SYNJ2: variants seen among roughly 807,000 people sequenced by gnomAD.
SYNJ2 encodes the protein synaptojanin 2.
A neutral mutation model predicts 141.3 loss-of-function variants in SYNJ2; 116 were observed. The ratio of observed to expected loss-of-function variants is 0.82; its 90% confidence interval spans 0.71 to 0.96. SYNJ2 has a LOEUF of 0.96. SYNJ2 is among the 40% of genes least tolerant of loss of function. The pLI is 0.00. For missense variants in SYNJ2, 1,873 were observed against 1,934.8 expected (o/e 0.97, Z 0.60); for synonymous variants, 745 against 777.7 (o/e 0.96, Z 0.70).
chr6:158,020,988 C>G (rs1390711366), intron 2 of SYNJ2, among the ~76,000 whole-genome samples: 1 of 152,204 alleles, frequency 6.6e-6, no homozygotes, highest in Non-Finnish European at 1.5e-5. Context: ...TCCTGAAATG[C>G]CAGCAGGAAG....
chr6:158,039,422 C>T (rs955642313), intron 4 of SYNJ2, among the ~76,000 whole-genome samples: 1 of 152,194 alleles, frequency 6.6e-6, no homozygotes, highest in Non-Finnish European at 1.5e-5. Flanking sequence ...GATCGGGCTG[C>T]GTGGTCTGCA....
intron 1 of SYNJ2, among the ~76,000 whole-genome samples, chr6:157,989,961 T>TG (rs1777356817): frequency 6.6e-6 from 1 of 152,058 alleles, no homozygotes. Flanking sequence ...TGCCTTGCCC[T>TG]GGGGGGCACT....
chr6:158,080,497 C>T (rs1440040732), intron 18 of SYNJ2, among the ~76,000 whole-genome samples: 2 of 141,236 alleles, frequency 1.4e-5, no homozygotes, highest in Non-Finnish European at 3.1e-5. Flanking sequence ...AAAAAAAAAA[C>T]GAGCATTTCC....
intron 1 of SYNJ2, among the ~76,000 whole-genome samples, chr6:158,009,300 C>T (rs917687664): frequency 5.3e-5 from 8 of 152,228 alleles, no homozygotes; most frequent in South Asian, 2.1e-4. Flanking sequence ...GGCTGTGCCT[C>T]GGCAGTGCCC....
rs747963536 is a variant in SYNJ2, at chr6:158,064,766, G to A, written c.1359+16G>A. On this transcript the variant is annotated intron_variant, in intron 10 of 26. Coordinates refer to ENST00000355585, the MANE Select transcript of SYNJ2 (RefSeq NM_003898.4). Reference sequence around the variant, plus strand: ...GAAGGCCAAGGTAGGGCCCCGCCGAGGGGGCAGGGTGGGGGCCCCAGGGAC... The same window carrying A: ...GAAGGCCAAGGTAGGGCCCCGCCGAAGGGGCAGGGTGGGGGCCCCAGGGAC... 3 of 1,613,174 alleles carry A rather than the reference G, an allele frequency of 1.9e-6. No homozygotes were observed. In the South Asian group the frequency reaches 3.3e-5, roughly 18 times the overall value.
chr6:158,032,919 G>A (rs1184487652), intron 3 of SYNJ2, among the ~76,000 whole-genome samples: 1 of 152,152 alleles, frequency 6.6e-6, no homozygotes, highest in Non-Finnish European at 1.5e-5. Context: ...ATTTATTTTG[G>A]ATTGCTTTGT....
chr6:158,077,107 T>C (rs969051619), intron 17 of SYNJ2, among the ~76,000 whole-genome samples: 2 of 152,074 alleles, frequency 1.3e-5, no homozygotes, highest in Admixed American at 6.6e-5. Flanking sequence ...GCCATTCTCC[T>C]GCCTCAGCCT....
At chr6:158,021,013 G>A (rs571611450) in intron 2 of SYNJ2, among the ~76,000 whole-genome samples, 4 of 152,284 alleles carry the variant, frequency 2.6e-5, no homozygotes, top group South Asian at 4.1e-4. Flanking sequence ...TGGAGCTCCC[G>A]TGATTAGCCA....
intron 6 of SYNJ2, among the ~76,000 whole-genome samples, chr6:158,055,461 T>C (rs1780811023): frequency 6.6e-6 from 1 of 152,112 alleles, no homozygotes; most frequent in Non-Finnish European, 1.5e-5. Context: ...TTACTATTAG[T>C]AGTTTTTTAC....
In SYNJ2 at chr6:158,070,542, T is replaced by TGA. The variant is rs1182900934; in HGVS notation, c.1940+873_1940+874dup. Reference sequence around the variant, plus strand: ...GTTAAAGGCAAGGGCGGGGTGAGGGTGAGAGGTAAAGCATTTGAGAAAGGG... The same window carrying TGA: ...GTTAAAGGCAAGGGCGGGGTGAGGGTGAGAGAGGTAAAGCATTTGAGAAAGGG... On this transcript the variant is annotated intron_variant, in intron 14 of 26. Transcript: ENST00000355585. This position sits in a 1 kb window ranked among gnomAD's most constrained non-coding sequence, Gnocchi z 4.0. 26 of 981,276 alleles carry TGA rather than the reference T, an allele frequency of 2.6e-5. No homozygotes were observed. Among genetic ancestry groups the TGA allele is most frequent in the Non-Finnish European group, 3.1e-5 (26 of 826,644 alleles). 60.8% of individuals were successfully genotyped at this position (981,276 alleles called of 1,614,324 possible).
chr6:158,077,845 A>G (rs1359063579), intron 17 of SYNJ2: 2 of 206,542 alleles, frequency 9.7e-6, no homozygotes, highest in East Asian at 2.6e-4. Flanking sequence ...CTCTTACCAT[A>G]CCAATTGCTG....
At chr6:158,026,429 G>A (rs377416353) in intron 2 of SYNJ2, among the ~76,000 whole-genome samples, 108 of 152,248 alleles carry the variant, frequency 7.1e-4, no homozygotes, top group African/African-American at 2.2e-3. Flanking sequence ...GTGGGCGGGA[G>A]GATGGAGTCC....
At chr6:158,054,689 G>T (rs1404194592) in intron 5 of SYNJ2, among the ~76,000 whole-genome samples, 1 of 152,176 alleles carries the variant, frequency 6.6e-6, no homozygotes, top group Non-Finnish European at 1.5e-5. Context: ...TCTTACCCTG[G>T]ATCTGCTTTC....
chr6:158,063,244 G>A (rs376112739), intron 8 of SYNJ2, among the ~76,000 whole-genome samples: 3 of 152,094 alleles, frequency 2.0e-5, no homozygotes, highest in Non-Finnish European at 2.9e-5. Flanking sequence ...CCAGCTAAAC[G>A]TAAAACGACC....
At chr6:158,035,979 A>C (rs1218466515) in intron 4 of SYNJ2, among the ~76,000 whole-genome samples, 1 of 152,122 alleles carries the variant, frequency 6.6e-6, no homozygotes, top group African/African-American at 2.4e-5. Context: ...AAAAAAAAAA[A>C]AACATTAAAA....
intron 8 of SYNJ2, among the ~76,000 whole-genome samples, chr6:158,062,511 C>T (rs1162012700): frequency 3.3e-5 from 5 of 151,988 alleles, no homozygotes; most frequent in South Asian, 4.2e-4. Flanking sequence ...TGGAGCTCCA[C>T]GCTGTGACGC....
chr6:158,026,889 C>T (rs1779077518), intron 2 of SYNJ2: 5 of 985,458 alleles, frequency 5.1e-6, no homozygotes, highest in Middle Eastern at 5.2e-4. Context: ...GCTGCCAACC[C>T]CGGAACCCCA....
Position 158,088,660 on chromosome 6 carries a change from C to A in SYNJ2, c.3344C>A (p.Thr1115Asn). 6 of 1,613,156 alleles carry A rather than the reference C, an allele frequency of 3.7e-6. No individual in the cohort carries two copies. Among genetic ancestry groups the A allele is most frequent in the Non-Finnish European group, 5.1e-6 (6 of 1,179,394 alleles). ...ACTCTGCCCTCGTTGGTTTTTACAG[C>A]CGGTTTAATGGTGAAAAAGTCGGCT... ...PQPPQRPPPP[T>N]GLMVKKSASD... The change falls in exon 24 of 27, where the codon ACC becomes AAC. Residue 1115 changes from threonine to asparagine, a missense_variant and splice_region_variant. Coordinates refer to ENST00000355585, the MANE Select transcript of SYNJ2 (RefSeq NM_003898.4).
At chr6:158,052,028 A>G (rs1408205321) in intron 5 of SYNJ2, among the ~76,000 whole-genome samples, 1 of 152,170 alleles carries the variant, frequency 6.6e-6, no homozygotes, top group Non-Finnish European at 1.5e-5. Flanking sequence ...CTCTAAATCT[A>G]TTGCTGAGAA....
Sources: allele counts gnomAD v4.1 joint callset (sites outside exome capture counted in the v4.1 genomes callset), GRCh38; gene constraint gnomAD v4.1.1; non-coding constraint Gnocchi (gnomAD v3.1); transcripts MANE v1.5; gene names NCBI Gene and HGNC (gene_info 2026-07-23, HGNC 2026-07-21).